Variants in SPEF1 observed in about 807,000 individuals in gnomAD.
SPEF1 encodes the protein sperm flagellar and cilia associated 1.
A neutral mutation model predicts 31.8 loss-of-function variants in SPEF1; 30 were observed. The ratio of observed to expected loss-of-function variants is 0.94; its 90% CI spans 0.70 to 1.28. SPEF1 has a LOEUF of 1.28. Among genes scored for constraint, SPEF1 ranks in the 50% most tolerant of loss-of-function variants. The pLI is 0.00. For missense variants in SPEF1, 298 were observed against 309.6 expected, an observed-to-expected ratio of 0.96 and a Z score of 0.28; for synonymous variants, 126 against 130.1, an observed-to-expected ratio of 0.97 and a Z score of 0.21.
intron 1 of SPEF1, 117 bp downstream of exon 1, chr20:3,781,062 T>C (rs961256141): frequency 5.7e-6 from 8 of 1,392,266 alleles, no homozygotes; most frequent in East Asian, 4.7e-5. Context: ...AAATTTGAAG[T>C]CCCAGGAGGC....
At chr20:3,778,630 C>T (rs1449507930) in intron 5 of SPEF1, 86 bp from the exon 6 acceptor site, 1 of 1,562,426 alleles carries the variant, frequency 6.4e-7, no homozygotes, top group Non-Finnish European at 8.7e-7. Flanking sequence ...CTTCCCTTCT[C>T]CCCCTCTAGC....
At position 3,778,744 on chromosome 20, in the gene SPEF1, A is replaced by C. The variant is rs2088761619; in HGVS notation, c.479+2T>G. The C allele has an allele frequency of 8.1e-6, 13 of 1,613,348 alleles. No homozygotes were observed. The highest frequency in any genetic ancestry group is 1.1e-5 in the Non-Finnish European group (13 of 1,179,678). On this transcript the variant is annotated splice_donor_variant, in intron 5 of 6. Coordinates refer to ENST00000379756, the MANE Select transcript of SPEF1 (RefSeq NM_015417.5). LOFTEE classifies it high-confidence loss of function. ...GAAGTCTGGAACTCCCAGCTTCTTT[A>C]CCTGAGCTGACCCCCTCCCTGGGGG...
intron 3 of SPEF1, 52 bp downstream of exon 3, chr20:3,779,144 C>T: frequency 2.6e-6 from 4 of 1,540,184 alleles, no homozygotes; most frequent in East Asian, 2.4e-5. Flanking sequence ...GTCTGGGGAG[C>T]GCCCCCCACC....
chr20:3,778,243 C>A lies in SPEF1; in HGVS notation c.680G>T (p.Arg227Leu). 1.9e-6 allele frequency: 3 copies of A among 1,605,996 alleles called. No homozygotes were observed. Among genetic ancestry groups the A allele is most frequent in the South Asian group, 2.2e-5 (2 of 90,248 alleles). The change falls in exon 7 of 7, where the codon CGG becomes CTG. Residue 227 changes from arginine to leucine, a missense_variant. Arg to Leu is a moderately radical substitution (Grantham distance 102). Coordinates refer to ENST00000379756, the MANE Select transcript of SPEF1 (RefSeq NM_015417.5). The part of the protein sequence containing the change: ...KNVRIEDLSR[R>L]LQQAERKQR ...CTGCTTACGCTCCGCCTGCTGGAGC[C>A]GCCGGGAGAGGTCTTCGATCCGCAC... is the stretch of plus-strand genomic sequence containing the variant.
chr20:3,779,993 T>C (rs1228728451), intron 1 of SPEF1, among the ~76,000 whole-genome samples: 2 of 152,030 alleles, frequency 1.3e-5, no homozygotes, highest in Non-Finnish European at 2.9e-5. Context: ...AGGAGCTGCA[T>C]CCCTTCCCCA....
chr20:3,779,027 TCA>T (rs779265546), intron 3 of SPEF1, 37 bp from the exon 4 acceptor site: 120 of 1,613,700 alleles, frequency 7.4e-5, no homozygotes, highest in Non-Finnish European at 1.0e-4. Flanking sequence ...AAGCCCGGGC[TCA>T]GTCATCCCCA....
chr20:3,779,620 C>G (rs1290532495), intron 2 of SPEF1, 44 bp downstream of exon 2: 1 of 1,437,200 alleles, frequency 7.0e-7, no homozygotes, highest in Non-Finnish European at 9.8e-7. Flanking sequence ...GCCTGGGCAA[C>G]CAAGACCATA....
Position 3,781,166 on chromosome 20 carries a change from CA to C in SPEF1, c.109+12del, listed in dbSNP as rs776450457. ...ATACAGGACAGAACATGCAGACACA[CA>C]AGGGCACACACCTCCATCGCTAAAG... On this transcript the variant is annotated intron_variant, in intron 1 of 6. Coordinates refer to ENST00000379756, the MANE Select transcript of SPEF1 (RefSeq NM_015417.5). 1.2e-6 allele frequency: 2 copies of C among 1,614,096 alleles called. No homozygotes were observed. Among genetic ancestry groups the C allele is most frequent in the South Asian group, 2.2e-5 (2 of 91,086 alleles).
intron 3 of SPEF1, 70 bp from the exon 4 acceptor site, chr20:3,779,060 A>G (rs1443008671): frequency 6.2e-7 from 1 of 1,609,586 alleles, no homozygotes; most frequent in African/African-American, 1.3e-5. Context: ...TGTCCCTTCC[A>G]CGGGCCCCCA....
At position 3,778,747 on chromosome 20, in the gene SPEF1, T is replaced by C; in HGVS notation, c.478A>G (p.Ser160Gly). 1 of 1,613,718 alleles carries C rather than the reference T, an allele frequency of 6.2e-7. No homozygotes were observed. Among genetic ancestry groups the C allele is most frequent in the Non-Finnish European group, 8.5e-7 (1 of 1,179,796 alleles). ...VPDPQGGGQL[S>G]WDRPPAPRPP... ...GTCTGGAACTCCCAGCTTCTTTACC[T>C]GAGCTGACCCCCTCCCTGGGGGTCC... The change falls in exon 5 of 7, where the codon AGC (serine) becomes GGC (glycine). Residue 160 changes from serine to glycine, a missense_variant and splice_region_variant. Physicochemically the swap from Ser to Gly is moderately conservative, Grantham distance 56. Coordinates refer to ENST00000379756, the MANE Select transcript of SPEF1 (RefSeq NM_015417.5).
Position 3,781,299 on chromosome 20 carries a change from C to G in SPEF1, c.-12G>C, listed in dbSNP as rs2088778177. On this transcript the variant is annotated 5_prime_UTR_variant, in exon 1 of 7. Transcript: ENST00000379756. Reference sequence around the variant, plus strand: ...ACGCTGCTCGCCATTGGCGTCCTCACGGCCTGGCCGCCCCAGCGGTGCCGG... The same window carrying G: ...ACGCTGCTCGCCATTGGCGTCCTCAGGGCCTGGCCGCCCCAGCGGTGCCGG... 6.2e-7 allele frequency: 1 copy of G among 1,611,890 alleles called. No individual in the cohort carries two copies. The highest frequency in any genetic ancestry group is 1.3e-5 in the African/African-American group (1 of 74,890).
chr20:3,779,246 G>C lies in SPEF1; in HGVS notation c.328C>G (p.Arg110Gly). 6.3e-7 allele frequency: 1 copy of C among 1,590,440 alleles called. No individual in the cohort carries two copies. The highest frequency in any genetic ancestry group is 8.6e-7 in the Non-Finnish European group (1 of 1,167,120). Residue 110 changes from arginine (R) to glycine (G), a missense_variant, in exon 3 of 7, where the codon CGC becomes GGC. Arg to Gly is a moderately radical substitution (Grantham distance 125). Transcript: ENST00000379756. ...VELVLIPLRQ[R>G]LEERQRRRKQ... ...CTGCGCCTCTGCCTCTCCTCCAGGC[G>C]CTGCCTCAGCGGGATGAGCACCAGC...
At chr20:3,778,678 G>GC in intron 5 of SPEF1, 68 bp downstream of exon 5, 3 of 1,591,896 alleles carry the variant, frequency 1.9e-6, no homozygotes, top group Admixed American at 1.7e-5. Context: ...AGCGTACCGT[G>GC]CCCCCCAACC....
At chr20:3,779,847 G>A in intron 1 of SPEF1, 72 bp from the exon 2 acceptor site, 4 of 518,762 alleles carry the variant, frequency 7.7e-6, no homozygotes, top group East Asian at 4.5e-5. Context: ...GAAGGTGGGG[G>A]TGGGAGAATC....
Position 3,781,063 on chromosome 20 carries a change from C to T in SPEF1, c.109+116G>A, listed in dbSNP as rs1203469601. 3 of 1,417,712 alleles carry T rather than the reference C, an allele frequency of 2.1e-6. No individual in the cohort carries two copies. In the African/African-American group the frequency reaches 4.3e-5, roughly 20 times the overall value. 87.8% of individuals were successfully genotyped at this position (1,417,712 alleles called of 1,614,324 possible). A position where few individuals can be genotyped will look rare whatever the true frequency, so the allele number is the denominator to read the frequency against. On this transcript the variant is annotated intron_variant, in intron 1 of 6. Transcript: ENST00000379756. Reference sequence around the variant, plus strand: ...AGCACACACATCTAAAATTTGAAGTCCCAGGAGGCAGATTCCTCCCCACTC... The same window carrying T: ...AGCACACACATCTAAAATTTGAAGTTCCAGGAGGCAGATTCCTCCCCACTC...
Position 3,781,277 on chromosome 20 carries a change from C to T in SPEF1, c.11G>A (p.Ser4Asn). The T allele has an allele frequency of 6.2e-7, 1 of 1,613,958 alleles. No homozygotes were observed. Among genetic ancestry groups the T allele is most frequent in the Non-Finnish European group, 8.5e-7 (1 of 1,179,958 alleles). MAS[S>N]VDEEALHQLY... The stretch of plus-strand genomic sequence containing the variant: ...CTGGTGCAGCGCCTCCTCGTCCACG[C>T]TGCTCGCCATTGGCGTCCTCACGGC... Residue 4 changes from serine (S) to asparagine (N), a missense_variant, in exon 1 of 7, where the codon AGC becomes AAC. Transcript: ENST00000379756.
chr20:3,780,312 C>CAAGAG (rs2088771905), intron 1 of SPEF1, among the ~76,000 whole-genome samples: 1 of 124,822 alleles, frequency 8.0e-6, no homozygotes, highest in Non-Finnish European at 1.6e-5. Flanking sequence ...CCAGCCTGGG[C>CAAGAG]GACAAGAGTG....
chr20:3,781,327 C>A lies in SPEF1; in HGVS notation c.-40G>T. 6.3e-7 allele frequency: 1 copy of A among 1,596,062 alleles called. No individual in the cohort carries two copies. Among genetic ancestry groups the A allele is most frequent in the South Asian group, 1.1e-5 (1 of 89,404 alleles). Reference sequence around the variant, plus strand: ...CCTGGCCGCCCCAGCGGTGCCGGGTCCCGCCCCAGCCTCACGACCCTTCAG... The same window carrying A: ...CCTGGCCGCCCCAGCGGTGCCGGGTACCGCCCCAGCCTCACGACCCTTCAG... On this transcript the variant is annotated 5_prime_UTR_variant, in exon 1 of 7. Transcript: ENST00000379756.
chr20:3,778,682 C>G, intron 5 of SPEF1, 64 bp downstream of exon 5: 2 of 1,598,098 alleles, frequency 1.3e-6, no homozygotes, highest in Non-Finnish European at 1.7e-6. Context: ...TACCGTGCCC[C>G]CCAACCCCAG....
Sources: gnomAD v4.1 joint callset for allele counts (sites outside exome capture counted in the v4.1 genomes callset) on GRCh38, gnomAD v4.1.1 for gene constraint, MANE v1.5 for transcripts, NCBI Gene and HGNC (gene_info 2026-07-23, HGNC 2026-07-21) for gene names.